ASIP: variants seen among roughly 807,000 people sequenced by gnomAD.
ASIP encodes agouti-signaling protein.
Under a neutral mutation model 10.3 loss-of-function variants are expected in ASIP, and 11 were observed. The observed-to-expected ratio is 1.07, with a 90% CI of 0.68 to 1.78. ASIP has a LOEUF of 1.78. Among genes scored for constraint, ASIP ranks in the 40% most tolerant of loss-of-function variants. The pLI is 0.00. For missense variants in ASIP, 180 were observed against 169.2 expected (o/e 1.06, Z -0.35); for synonymous variants, 70 against 70.8 (o/e 0.99, Z 0.06).
intron 1 of ASIP, among the ~76,000 whole-genome samples, chr20:34,258,699 T>TATATATATATATATATATACACACATA (rs2035623654): frequency 2.9e-5 from 2 of 70,092 alleles, no homozygotes; most frequent in Admixed American, 1.9e-4. Context: ...ATACATACTA[T>TATATATATATATATATATACACACATA]ATATATATAT....
intron 1 of ASIP, among the ~76,000 whole-genome samples, chr20:34,209,748 C>T (rs2034961057): frequency 6.6e-6 from 1 of 152,252 alleles, no homozygotes; most frequent in African/African-American, 2.4e-5. Context: ...TAAGGAGGGG[C>T]CGAGGGCAGC....
chr20:34,262,195 T>C (rs936071909), intron 2 of ASIP, among the ~76,000 whole-genome samples: 2 of 152,220 alleles, frequency 1.3e-5, no homozygotes, highest in African/African-American at 4.8e-5. Context: ...TCAACATTTA[T>C]TGATCTTCAG....
intron 1 of ASIP, among the ~76,000 whole-genome samples, chr20:34,242,611 A>G (rs2889769): frequency 6.6e-6 from 1 of 152,256 alleles, no homozygotes; most frequent in Non-Finnish European, 1.5e-5. Context: ...ACAAAACAAA[A>G]CAAAATGAAA....
chr20:34,197,410 C>T (rs1007974270), intron 1 of ASIP, among the ~76,000 whole-genome samples: 1 of 152,176 alleles, frequency 6.6e-6, no homozygotes, highest in Non-Finnish European at 1.5e-5. Flanking sequence ...CCAGGTCTTA[C>T]GCATTTTCAC....
chr20:34,207,378 T>C (rs950779075), intron 1 of ASIP, among the ~76,000 whole-genome samples: 6 of 152,214 alleles, frequency 3.9e-5, no homozygotes, highest in South Asian at 4.1e-4. Context: ...CATTTTTAAA[T>C]TGGATTTTTT....
rs115111391 is a variant in ASIP at position 34,252,094 on chromosome 20, T to C, written c.-10-8271T>C. Among the ~76,000 whole-genome samples, 600 of 152,358 alleles carry C rather than the reference T, an allele frequency of 3.9e-3. 6 individuals carry two copies. The highest frequency in any genetic ancestry group is 0.014 in the African/African-American group (562 of 41,582). On this transcript the variant is annotated intron_variant, in intron 1 of 3. Transcript: ENST00000374954. ...GTGCCTCAGACTCTATAGTGAGTCA[T>C]ATAGTCCTATCCTCTTATGAAGGGG... is the stretch of plus-strand genomic sequence containing the variant.
intron 1 of ASIP, among the ~76,000 whole-genome samples, chr20:34,233,436 C>T (rs1302063122): frequency 6.6e-6 from 1 of 152,024 alleles, no homozygotes; most frequent in African/African-American, 2.4e-5. Context: ...TGTGAGCCAC[C>T]GCGCCCGGCC....
At chr20:34,255,096 A>G (rs1363238470) in intron 1 of ASIP, among the ~76,000 whole-genome samples, 1 of 152,142 alleles carries the variant, frequency 6.6e-6, no homozygotes, top group African/African-American at 2.4e-5. Context: ...GGCTGCTCTG[A>G]TGGTGAACTG....
Position 34,201,511 on chromosome 20 carries a change from A to G in ASIP, c.-11+6751A>G, listed in dbSNP as rs545521289. 7.7e-4 allele frequency among the ~76,000 whole-genome samples: 117 copies of G among 152,354 alleles called. 1 individual carries two copies. The highest frequency in any genetic ancestry group is 6.8e-3 in the Middle Eastern group (2 of 294). Reference sequence around the variant, plus strand: ...AGGTGTAAAAAAATTTCACATTGAAATGATACAAACATTTGATGTAATAAA... The same window carrying G: ...AGGTGTAAAAAAATTTCACATTGAAGTGATACAAACATTTGATGTAATAAA... On this transcript the variant is annotated intron_variant, in intron 1 of 3. Transcript: ENST00000568305.
intron 1 of ASIP, 145 bp downstream of exon 1, chr20:34,241,634 A>C: frequency 3.0e-6 from 2 of 669,352 alleles, no homozygotes; most frequent in Non-Finnish European, 3.7e-6. Context: ...AGAGTAGTTA[A>C]GAGGAGTTCA....
intron 1 of ASIP, among the ~76,000 whole-genome samples, chr20:34,216,650 G>GT (rs980143033): frequency 1.3e-5 from 2 of 152,180 alleles, no homozygotes; most frequent in African/African-American, 2.4e-5. Flanking sequence ...GAGATACCCA[G>GT]TTTTTTTCAC....
chr20:34,223,565 C>A (rs1369486159), intron 1 of ASIP, among the ~76,000 whole-genome samples: 1 of 127,028 alleles, frequency 7.9e-6, no homozygotes, highest in Non-Finnish European at 1.5e-5. Flanking sequence ...AGCCCCCCGC[C>A]TGGCCAGCCG....
At chr20:34,192,086 T>A (rs1018051453), upstream of ASIP, among the ~76,000 whole-genome samples, 4 of 151,636 alleles carry the variant, frequency 2.6e-5, no homozygotes, top group Non-Finnish European at 4.4e-5. Context: ...TTGTTGCCCA[T>A]GGTGCAATGG....
chr20:34,215,931 C>T lies in ASIP; in HGVS notation c.-11+21171C>T, dbSNP rs964942771. 2.2e-5 allele frequency: 18 copies of T among 806,408 alleles called. No individual in the cohort carries two copies. The Admixed American group carries it at 2.9e-4, about 13-fold the overall frequency. 50.0% of individuals were successfully genotyped at this position (806,408 alleles called of 1,614,324 possible). On this transcript the variant is annotated intron_variant, in intron 1 of 3. Coordinates refer to the ASIP transcript ENST00000568305. ...CTTGGAGTTTTCTGGTTATAATAGG[C>T]TTGCCCTCTGATCCCACAGAAGAAT...
chr20:34,262,610 G>A (rs2035713363), intron 2 of ASIP, among the ~76,000 whole-genome samples: 1 of 152,148 alleles, frequency 6.6e-6, no homozygotes, highest in African/African-American at 2.4e-5. Flanking sequence ...TTTCCCATTT[G>A]CCTTCCCTCA....
Position 34,269,021 on chromosome 20 carries a change from C to T in ASIP, c.253C>T (p.Pro85Ser). 6.2e-7 allele frequency: 1 copy of T among 1,607,938 alleles called. No individual in the cohort carries two copies. The highest frequency in any genetic ancestry group is 8.5e-7 in the Non-Finnish European group (1 of 1,177,896). Residue 85 changes from proline (P) to serine (S), a missense_variant, in exon 4 of 4, where the codon CCC (proline) becomes TCC (serine). Coordinates refer to ENST00000374954, the MANE Select transcript of ASIP (RefSeq NM_001672.3). ...GGCTTCGATGAAGAAAGTGGTGCGGCCCCGGACCCCCCTATCTGCGCCCTG... is the reference window on the plus strand; with the variant it reads ...GGCTTCGATGAAGAAAGTGGTGCGGTCCCGGACCCCCCTATCTGCGCCCTG... ...KEASMKKVVR[P>S]RTPLSAPCVA...
At chr20:34,213,412 C>A in intron 1 of ASIP, 1 of 765,254 alleles carries the variant, frequency 1.3e-6, no homozygotes, top group Non-Finnish European at 2.1e-6. Flanking sequence ...ATAACCAACA[C>A]CTGAAAAATG....
chr20:34,249,349 T>A (rs17091648), intron 1 of ASIP, among the ~76,000 whole-genome samples: 1 of 118,368 alleles, frequency 8.4e-6, no homozygotes, highest in African/African-American at 3.3e-5. Context: ...AGATATCCGA[T>A]GCCCAGAGCC....
intron 1 of ASIP, among the ~76,000 whole-genome samples, chr20:34,200,974 TTCCTTCCTTCCTTCCTTCCTTCCTTCC>T (rs1568744361): frequency 0.025 from 1,655 of 65,308 alleles, 84 homozygotes; most frequent in African/African-American, 0.043. Context: ...CTTTCTTTCC[TTCCTTCCTTCCTTCCTTCCTTCCTTCC>T]TTCCTTCCTT....
Sources: allele counts gnomAD v4.1 joint callset (sites outside exome capture counted in the v4.1 genomes callset), GRCh38; gene constraint gnomAD v4.1.1; transcripts MANE v1.5; gene names NCBI Gene and HGNC (gene_info 2026-07-23, HGNC 2026-07-21).